Variants in FOLH1 observed in about 807,000 individuals in gnomAD.
The protein encoded by FOLH1 is glutamate carboxypeptidase 2.
In FOLH1, 54 loss-of-function variants were observed where a neutral mutation model predicts 93.9. The observed-to-expected ratio is 0.57, with a 90% CI of 0.46 to 0.72. The LOEUF (loss-of-function observed/expected upper bound fraction) is 0.72. Ranked by LOEUF, FOLH1 falls within the 30% of genes least tolerant of loss-of-function variation. The probability of loss-of-function intolerance (pLI) is 0.00; values close to 1 mark genes in which losing one functional copy is unlikely to be tolerated. For missense variants in FOLH1, 571 were observed against 892.5 expected (o/e 0.64, Z 4.59); for synonymous variants, 249 against 303.6 (o/e 0.82, Z 1.87).
intron 17 of FOLH1, among the ~76,000 whole-genome samples, 181 bp downstream of exon 17, chr11:49,153,665 C>A (rs1225290974): frequency 6.6e-6 from 1 of 152,042 alleles, no homozygotes. Context: ...CACTTGTATA[C>A]CTATGTAACA....
At chr11:49,173,692 A>G (rs1194193305) in intron 9 of FOLH1, among the ~76,000 whole-genome samples, 1 of 152,156 alleles carries the variant, frequency 6.6e-6, no homozygotes, top group Non-Finnish European at 1.5e-5. Flanking sequence ...TATATATTTC[A>G]ATGTATTACT....
chr11:49,163,669 G>A (rs1294218500), intron 13 of FOLH1, among the ~76,000 whole-genome samples: 2 of 151,836 alleles, frequency 1.3e-5, no homozygotes, highest in Admixed American at 1.3e-4. Context: ...TTATGGGTAT[G>A]TATGGGGGTC....
chr11:49,199,681 C>T (rs184815830), intron 3 of FOLH1, among the ~76,000 whole-genome samples: 6 of 152,078 alleles, frequency 3.9e-5, no homozygotes, highest in African/African-American at 1.4e-4. Flanking sequence ...GAGGCTGAGG[C>T]GGGTGGATCA....
intron 10 of FOLH1, among the ~76,000 whole-genome samples, chr11:49,171,813 T>C (rs1284500294): frequency 6.6e-6 from 1 of 151,972 alleles, no homozygotes; most frequent in African/African-American, 2.4e-5. Flanking sequence ...AGCAGAGGGG[T>C]GATGTGTCTC....
At chr11:49,175,673 A>G (rs1191823305) in intron 8 of FOLH1, among the ~76,000 whole-genome samples, 186 bp downstream of exon 8, 1 of 152,166 alleles carries the variant, frequency 6.6e-6, no homozygotes. Flanking sequence ...AACACTCATA[A>G]TTTTTAAATC....
rs373131146 is a variant in FOLH1, at chr11:49,148,650, C to T, written c.2052G>A (p.Arg684=). The T allele has an allele frequency of 6.9e-6, 11 of 1,596,184 alleles. No homozygotes were observed. The African/African-American group carries it at 1.4e-4, about 20-fold the overall frequency. ...TTTTCTTTTCTTACCTATAAAAAGG[C>T]CTGTCTGGTAACCCTAATGGATCAA... ...AFIDPLGLPD[R]PFYRHVIYAP... The change falls in exon 18 of 19, where the codon AGG becomes AGA. Residue 684 remains arginine, a synonymous_variant. Coordinates refer to ENST00000256999, the MANE Select transcript of FOLH1 (RefSeq NM_004476.3).
chr11:49,174,249 T>C (rs975098290), intron 9 of FOLH1, among the ~76,000 whole-genome samples: 5 of 152,168 alleles, frequency 3.3e-5, no homozygotes, highest in African/African-American at 9.7e-5. Context: ...AATAAATCAC[T>C]GGCTGCTTGT....
At chr11:49,184,219 G>A (rs1007326391) in intron 6 of FOLH1, among the ~76,000 whole-genome samples, 1 of 152,086 alleles carries the variant, frequency 6.6e-6, no homozygotes, top group African/African-American at 2.4e-5. Context: ...TAAAATTGGA[G>A]AGATAAACAA....
chr11:49,167,980 A>C (rs1220018665), intron 12 of FOLH1, among the ~76,000 whole-genome samples: 1 of 151,824 alleles, frequency 6.6e-6, no homozygotes, highest in Non-Finnish European at 1.5e-5. Context: ...AAGTGTTGAC[A>C]TGGCAAATTT....
chr11:49,177,474 G>T (rs1203127961), intron 7 of FOLH1, among the ~76,000 whole-genome samples: 1 of 151,908 alleles, frequency 6.6e-6, no homozygotes, highest in African/African-American at 2.4e-5. Flanking sequence ...GAGGTAGAAA[G>T]AAATTTAGTA....
At chr11:49,180,153 AT>A (rs1860553912) in intron 7 of FOLH1, among the ~76,000 whole-genome samples, 1 of 151,966 alleles carries the variant, frequency 6.6e-6, no homozygotes, top group South Asian at 2.1e-4. Flanking sequence ...CTCTCTGAAC[AT>A]TGGTTACAAT....
chr11:49,167,045 AC>A (rs71481405), intron 12 of FOLH1, among the ~76,000 whole-genome samples: 14 of 110,804 alleles, frequency 1.3e-4, no homozygotes, highest in Admixed American at 2.1e-4. Flanking sequence ...AACAACAACA[AC>A]AAAAAAAAAC....
At chr11:49,200,743 G>A (rs1211561938) in intron 2 of FOLH1, among the ~76,000 whole-genome samples, 1 of 151,948 alleles carries the variant, frequency 6.6e-6, no homozygotes, top group Non-Finnish European at 1.5e-5. Context: ...ATACTTCTTG[G>A]AACTTACATG....
intron 13 of FOLH1, among the ~76,000 whole-genome samples, chr11:49,159,382 A>G (rs1418617839): frequency 1.3e-5 from 2 of 152,200 alleles, no homozygotes; most frequent in Non-Finnish European, 2.9e-5. Context: ...GCATTTATTG[A>G]GATAATCATG....
intron 18 of FOLH1, among the ~76,000 whole-genome samples, chr11:49,147,562 GT>G (rs1280911102): frequency 6.6e-6 from 1 of 152,024 alleles, no homozygotes; most frequent in Admixed American, 6.6e-5. Context: ...GGCAGAAAAT[GT>G]TTTATAGAAT....
intron 3 of FOLH1, among the ~76,000 whole-genome samples, chr11:49,195,795 G>C (rs1439357520): frequency 1.3e-5 from 2 of 152,114 alleles, no homozygotes; most frequent in African/African-American, 4.8e-5. Context: ...CTATAAATTT[G>C]AAAGCTTACA....
intron 15 of FOLH1, among the ~76,000 whole-genome samples, chr11:49,155,029 C>T (rs1010967379): frequency 1.3e-5 from 2 of 151,706 alleles, no homozygotes; most frequent in Admixed American, 6.6e-5. Flanking sequence ...GAAGGGAGGC[C>T]CAGACAGGTG....
intron 17 of FOLH1, among the ~76,000 whole-genome samples, chr11:49,149,116 T>A (rs11608163): frequency 2.0e-5 from 3 of 150,934 alleles, no homozygotes; most frequent in African/African-American, 7.3e-5. Flanking sequence ...TGTCGTGGGG[T>A]GGGGTGAGGG....
At chr11:49,168,841 ATACT>A (rs1264182231) in intron 12 of FOLH1, among the ~76,000 whole-genome samples, 1 of 152,170 alleles carries the variant, frequency 6.6e-6, no homozygotes, top group East Asian at 1.9e-4. Context: ...CATTCAACAG[ATACT>A]TACTAAATTC....
Sources: allele counts gnomAD v4.1 joint callset (sites outside exome capture counted in the v4.1 genomes callset), GRCh38; gene constraint gnomAD v4.1.1; transcripts MANE v1.5; gene names NCBI Gene and HGNC (gene_info 2026-07-23, HGNC 2026-07-21).